ZMAT4: variants seen among roughly 807,000 people sequenced by gnomAD.
The protein encoded by ZMAT4 is zinc finger matrin-type 4, also known as zinc finger matrin-type protein 4.
ZMAT4 carries 17 observed loss-of-function variants against 28.7 expected under a neutral mutation model. The ratio of observed to expected loss-of-function variants is 0.59; its 90% CI spans 0.41 to 0.89. ZMAT4 has a LOEUF of 0.89. Ranked by LOEUF, ZMAT4 falls within the 40% of genes least tolerant of loss-of-function variation. The probability of loss-of-function intolerance (pLI) is 0.00; values close to 1 mark genes in which losing one functional copy is unlikely to be tolerated. For missense variants in ZMAT4, 240 were observed against 283.8 expected, an observed-to-expected ratio of 0.85 and a Z score of 1.11; for synonymous variants, 117 against 109.2, an observed-to-expected ratio of 1.07 and a Z score of -0.44.
chr8:40,836,465 T>C lies in ZMAT4; in HGVS notation c.-4-10785A>G, dbSNP rs552255153. 1.5e-4 allele frequency among the ~76,000 whole-genome samples: 23 copies of C among 152,290 alleles called. No individual in the cohort carries two copies. The South Asian group carries it at 4.6e-3, about 30-fold the overall frequency. ...CAAGGTATGTAAGAGATGATGATAG[T>C]AGCATTGTTCAAATAGCAAAGCCTG... On this transcript the variant is annotated intron_variant, in intron 1 of 6. Transcript: ENST00000297737.
At chr8:40,587,002 G>A (rs1804690561) in intron 5 of ZMAT4, among the ~76,000 whole-genome samples, 1 of 151,816 alleles carries the variant, frequency 6.6e-6, no homozygotes, top group Non-Finnish European at 1.5e-5. Flanking sequence ...ATGCTGATTA[G>A]CCTGAGACGT....
intron 1 of ZMAT4, among the ~76,000 whole-genome samples, chr8:40,890,529 A>G (rs1024951996): frequency 2.6e-5 from 4 of 151,442 alleles, no homozygotes; most frequent in Admixed American, 2.0e-4. Context: ...GGCCCTCGCC[A>G]TTTCTCACCT....
At chr8:40,617,366 G>A (rs187862723) in intron 5 of ZMAT4, among the ~76,000 whole-genome samples, 9 of 152,150 alleles carry the variant, frequency 5.9e-5, no homozygotes, top group South Asian at 2.1e-4. Flanking sequence ...GCCTATGCAG[G>A]TATATTTTAG....
intron 6 of ZMAT4, among the ~76,000 whole-genome samples, chr8:40,561,573 T>C (rs1339562352): frequency 6.6e-6 from 1 of 152,054 alleles, no homozygotes; most frequent in Non-Finnish European, 1.5e-5. Flanking sequence ...GCACTTTCTC[T>C]TCCCCACCCA....
chr8:40,570,859 C>A (rs191955559), intron 6 of ZMAT4, among the ~76,000 whole-genome samples: 1 of 152,298 alleles, frequency 6.6e-6, no homozygotes, highest in Non-Finnish European at 1.5e-5. Flanking sequence ...TAAGGCTCCA[C>A]CACTCTCCTT....
At chr8:40,609,140 T>A (rs1040370763) in intron 5 of ZMAT4, among the ~76,000 whole-genome samples, 16 of 152,232 alleles carry the variant, frequency 1.1e-4, no homozygotes, top group Non-Finnish European at 2.4e-4. Context: ...TTGCAGACCA[T>A]ACTTTAGCAA....
intron 6 of ZMAT4, among the ~76,000 whole-genome samples, chr8:40,535,945 G>T (rs879626877): frequency 6.6e-6 from 1 of 152,124 alleles, no homozygotes; most frequent in Non-Finnish European, 1.5e-5. Flanking sequence ...TGGTTTACAT[G>T]AAATGATACG....
intron 6 of ZMAT4, among the ~76,000 whole-genome samples, chr8:40,567,598 C>T (rs1803960494): frequency 6.6e-6 from 1 of 151,696 alleles, no homozygotes; most frequent in Middle Eastern, 3.4e-3. Context: ...ACTCCAGAGG[C>T]TGAGGCAGGG....
rs554010440 is a variant in ZMAT4 at position 40,845,559 on chromosome 8, GA to G, written c.-4-19880del. Among the ~76,000 whole-genome samples the G allele has an allele frequency of 1.9e-3, 289 of 148,244 alleles. 2 individuals carry two copies. The highest frequency in any genetic ancestry group is 3.7e-3 in the Non-Finnish European group (250 of 66,938). ...AATAGGCAGATTATAGCAGCCTTCT[GA>G]AAAAAAAAATAACAGTGTCCTGTAA... is the stretch of plus-strand genomic sequence containing the variant. On this transcript the variant is annotated intron_variant, in intron 1 of 6. Coordinates refer to ENST00000297737, the MANE Select transcript of ZMAT4 (RefSeq NM_024645.3).
chr8:40,583,800 A>G (rs895243502), intron 5 of ZMAT4, among the ~76,000 whole-genome samples: 21 of 152,188 alleles, frequency 1.4e-4, no homozygotes, highest in African/African-American at 4.8e-4. Context: ...CTTCCAGGTC[A>G]TGAGTAGACA....
chr8:40,824,400 G>A (rs536859395), intron 2 of ZMAT4, among the ~76,000 whole-genome samples: 1 of 152,250 alleles, frequency 6.6e-6, no homozygotes, highest in African/African-American at 2.4e-5. Flanking sequence ...AGCTATGCTC[G>A]TGCCACAGCA....
At chr8:40,626,503 G>A (rs1334836824) in intron 5 of ZMAT4, among the ~76,000 whole-genome samples, 1 of 152,146 alleles carries the variant, frequency 6.6e-6, no homozygotes, top group Non-Finnish European at 1.5e-5. Context: ...AGGGCCCAGG[G>A]CAGACTCTAG....
intron 4 of ZMAT4, among the ~76,000 whole-genome samples, chr8:40,692,363 C>G (rs1330174357): frequency 6.6e-6 from 1 of 152,332 alleles, no homozygotes; most frequent in African/African-American, 2.4e-5. Flanking sequence ...AGATTGCACT[C>G]ATATCCATTT....
At chr8:40,640,475 G>A (rs73609570) in intron 5 of ZMAT4, among the ~76,000 whole-genome samples, 19,101 of 152,156 alleles carry the variant, frequency 0.13, 1,500 homozygotes, top group African/African-American at 0.22. Context: ...CACAAATGCA[G>A]CACAAGCAGT....
chr8:40,555,639 C>T (rs564082428), intron 6 of ZMAT4, among the ~76,000 whole-genome samples: 2 of 152,276 alleles, frequency 1.3e-5, no homozygotes, highest in Admixed American at 6.5e-5. Context: ...AGTGGCAACA[C>T]ATAACTACAA....
intron 6 of ZMAT4, among the ~76,000 whole-genome samples, chr8:40,550,043 G>T (rs1027749621): frequency 6.6e-6 from 1 of 152,130 alleles, no homozygotes; most frequent in African/African-American, 2.4e-5. Flanking sequence ...TATCAACTCA[G>T]GGTGACTGTG....
intron 5 of ZMAT4, among the ~76,000 whole-genome samples, chr8:40,658,155 G>A (rs1331165114): frequency 6.6e-6 from 1 of 152,052 alleles, no homozygotes; most frequent in Non-Finnish European, 1.5e-5. Flanking sequence ...CTCACTGTGA[G>A]TATACTTTCC....
intron 2 of ZMAT4, among the ~76,000 whole-genome samples, chr8:40,776,942 A>G (rs983104315): frequency 2.0e-5 from 3 of 147,638 alleles, no homozygotes; most frequent in African/African-American, 7.5e-5. Flanking sequence ...TTTTTTTTGT[A>G]AAGTCATGAG....
intron 1 of ZMAT4, among the ~76,000 whole-genome samples, chr8:40,840,311 C>A (rs940163585): frequency 5.3e-5 from 8 of 152,204 alleles, no homozygotes; most frequent in African/African-American, 1.2e-4. Context: ...CATGGACCAA[C>A]CCTGATGGGC....
Sources: gnomAD v4.1 joint callset for allele counts (sites outside exome capture counted in the v4.1 genomes callset) on GRCh38, gnomAD v4.1.1 for gene constraint, MANE v1.5 for transcripts, NCBI Gene and HGNC (gene_info 2026-07-23, HGNC 2026-07-21) for gene names.